ADAMTSL1: variants seen among roughly 807,000 people sequenced by gnomAD.
ADAMTSL1 encodes ADAMTS like 1.
In ADAMTSL1, 126 loss-of-function variants were observed where a neutral mutation model predicts 201.8. The observed-to-expected ratio is 0.62, with a 90% CI of 0.54 to 0.72. The LOEUF (loss-of-function observed/expected upper bound fraction) is 0.72. Ranked by LOEUF, ADAMTSL1 falls within the 30% of genes least tolerant of loss-of-function variation. ADAMTSL1 has a pLI of 0.00. For synonymous variants in ADAMTSL1, 1,121 were observed against 903.4 expected, an observed-to-expected ratio of 1.24 and a Z score of -4.32; for missense variants, 2,679 against 2,277.8, an observed-to-expected ratio of 1.18 and a Z score of -3.59.
chr9:18,089,661 C>T (rs952114995), intron 1 of ADAMTSL1, among the ~76,000 whole-genome samples: 1 of 152,080 alleles, frequency 6.6e-6, no homozygotes, highest in Non-Finnish European at 1.5e-5. Context: ...TGAAATAAGC[C>T]AGTCACAGAA....
At chr9:18,368,426 G>T (rs1258246565) in intron 2 of ADAMTSL1, among the ~76,000 whole-genome samples, 2 of 152,194 alleles carry the variant, frequency 1.3e-5, no homozygotes, top group Non-Finnish European at 2.9e-5. Flanking sequence ...AAAGGCAGTA[G>T]AACTCATACT....
intron 7 of ADAMTSL1, among the ~76,000 whole-genome samples, chr9:18,656,644 AAG>A (rs1491172280): frequency 6.6e-6 from 1 of 151,630 alleles, no homozygotes; most frequent in Non-Finnish European, 1.5e-5. Flanking sequence ...AAAAAAAAAA[AAG>A]AAAATGTTAA....
At chr9:18,481,975 C>A (rs1289741545) in intron 1 of ADAMTSL1, among the ~76,000 whole-genome samples, 2 of 152,166 alleles carry the variant, frequency 1.3e-5, no homozygotes, top group Non-Finnish European at 2.9e-5. Flanking sequence ...ATTGTGCTTT[C>A]TTGGCAACAA....
At chr9:18,471,334 C>T (rs960727666), upstream of ADAMTSL1, among the ~76,000 whole-genome samples, 2 of 152,052 alleles carry the variant, frequency 1.3e-5, no homozygotes, top group African/African-American at 2.4e-5. Flanking sequence ...TTCGGTAAAC[C>T]GTGGCTCAAT....
chr9:18,774,236 C>T (rs577728522), intron 17 of ADAMTSL1, among the ~76,000 whole-genome samples: 17 of 152,046 alleles, frequency 1.1e-4, no homozygotes, highest in Non-Finnish European at 1.6e-4. Flanking sequence ...CTCAAAACAC[C>T]TCTTTCATCA....
chr9:18,478,581 A>G (rs187641042), intron 1 of ADAMTSL1, among the ~76,000 whole-genome samples: 48 of 152,256 alleles, frequency 3.2e-4, no homozygotes, highest in African/African-American at 1.1e-3. Context: ...TAATTCATGT[A>G]TCTTCCAGTT....
intron 2 of ADAMTSL1, among the ~76,000 whole-genome samples, chr9:18,226,596 C>G (rs1421749110): frequency 6.6e-6 from 1 of 152,078 alleles, no homozygotes; most frequent in African/African-American, 2.4e-5. Flanking sequence ...TGATTCTGAT[C>G]AGATCACTTG....
chr9:17,964,514 C>G (rs936133720), intron 1 of ADAMTSL1, among the ~76,000 whole-genome samples: 8 of 152,130 alleles, frequency 5.3e-5, no homozygotes, highest in Non-Finnish European at 8.8e-5. Flanking sequence ...TCTTCTGTGT[C>G]TCGACAGTAG....
intron 2 of ADAMTSL1, among the ~76,000 whole-genome samples, chr9:18,343,032 T>C (rs1237336824): frequency 6.6e-6 from 1 of 151,740 alleles, no homozygotes; most frequent in African/African-American, 2.4e-5. Flanking sequence ...TTTTTTTGTT[T>C]TGTTTTTTTT....
intron 2 of ADAMTSL1, among the ~76,000 whole-genome samples, chr9:18,184,535 TC>T (rs1828646587): frequency 6.6e-6 from 1 of 152,192 alleles, no homozygotes; most frequent in South Asian, 2.1e-4. Flanking sequence ...AAGGGAAACT[TC>T]CGCTTTTATT....
chr9:18,879,443 A>G (rs1828387147), intron 23 of ADAMTSL1, among the ~76,000 whole-genome samples: 1 of 152,184 alleles, frequency 6.6e-6, no homozygotes, highest in Non-Finnish European at 1.5e-5. Flanking sequence ...GAGGCTTTAC[A>G]GTTACATCCT....
chr9:18,380,240 G>A (rs1343016021), intron 2 of ADAMTSL1, among the ~76,000 whole-genome samples: 1 of 152,112 alleles, frequency 6.6e-6, no homozygotes, highest in Non-Finnish European at 1.5e-5. Flanking sequence ...GAGTATGGGG[G>A]AAGAAGGATT....
At chr9:18,172,532 G>A (rs1484197635) in intron 2 of ADAMTSL1, among the ~76,000 whole-genome samples, 1 of 152,076 alleles carries the variant, frequency 6.6e-6, no homozygotes, top group Non-Finnish European at 1.5e-5. Context: ...TACTGCTGGT[G>A]GGAGCATAAA....
At chr9:18,138,182 G>T (rs1157363404) in intron 1 of ADAMTSL1, among the ~76,000 whole-genome samples, 4 of 152,158 alleles carry the variant, frequency 2.6e-5, no homozygotes, top group African/African-American at 9.6e-5. Context: ...ATGGCGAAAA[G>T]TAAGTATTAA....
intron 2 of ADAMTSL1, among the ~76,000 whole-genome samples, chr9:18,202,586 C>G (rs1185261095): frequency 6.6e-6 from 1 of 152,202 alleles, no homozygotes; most frequent in Non-Finnish European, 1.5e-5. Context: ...TAGTTACTCC[C>G]TCATCTTCCA....
At chr9:18,346,066 A>T (rs1835699254) in intron 2 of ADAMTSL1, among the ~76,000 whole-genome samples, 1 of 151,994 alleles carries the variant, frequency 6.6e-6, no homozygotes. Flanking sequence ...TCTGTACCTT[A>T]TCCCTGACCC....
intron 23 of ADAMTSL1, among the ~76,000 whole-genome samples, chr9:18,844,515 C>A (rs1266366311): frequency 6.6e-6 from 1 of 152,206 alleles, no homozygotes; most frequent in African/African-American, 2.4e-5. Flanking sequence ...AGGCAGTCTG[C>A]CCATTCTCAG....
chr9:18,732,596 G>T (rs1588006772), intron 15 of ADAMTSL1, among the ~76,000 whole-genome samples: 1 of 152,186 alleles, frequency 6.6e-6, no homozygotes, highest in Non-Finnish European at 1.5e-5. Flanking sequence ...GGCCAGAAAG[G>T]CCTGGGATAA....
At chr9:18,725,850 T>C (rs1233848256) in intron 15 of ADAMTSL1, among the ~76,000 whole-genome samples, 1 of 152,250 alleles carries the variant, frequency 6.6e-6, no homozygotes, top group African/African-American at 2.4e-5. Context: ...TAGATAAAGC[T>C]TTTTCCCTTT....
Sources: allele counts gnomAD v4.1 joint callset (sites outside exome capture counted in the v4.1 genomes callset), GRCh38; gene constraint gnomAD v4.1.1; transcripts MANE v1.5; gene names NCBI Gene and HGNC (gene_info 2026-07-23, HGNC 2026-07-21).